The following CHAF1A variants were observed in gnomAD, a reference collection of about 807,000 sequenced individuals.
CHAF1A encodes the protein CAF-1 subunit A.
In CHAF1A, 5 loss-of-function variants were observed where a neutral mutation model predicts 93.2. The observed-to-expected ratio is 0.05, with a 90% CI of 0.03 to 0.11. CHAF1A has a LOEUF of 0.11. Among genes scored for constraint, CHAF1A ranks in the 10% least tolerant of loss-of-function variants. The pLI, the probability that CHAF1A is intolerant of heterozygous loss-of-function variation, is 1.00. For synonymous variants in CHAF1A, 504 were observed against 510.3 expected (o/e 0.99, Z 0.17); for missense variants, 1,102 against 1,259.9 (o/e 0.87, Z 1.90).
rs750311581 is a variant in CHAF1A, at chr19:4,442,961, G to A, written c.2807G>A (p.Gly936Glu). Residue 936 changes from glycine to glutamate, a missense_variant, in exon 15 of 15, where the codon GGG becomes GAG. Around this residue, in one of 6 missense-constraint regions of CHAF1A, gnomAD observed 119 missense variants for 102.2 expected, o/e 1.16. Transcript: ENST00000301280. ...QAPCGAASGA[G>E]GGVGVDTGKA... Reference sequence around the variant, plus strand: ...CCGTGTGGAGCCGCTTCCGGAGCTGGGGGTGGTGTGGGGGTGGACACCGGC... The same window carrying A: ...CCGTGTGGAGCCGCTTCCGGAGCTGAGGGTGGTGTGGGGGTGGACACCGGC... 5.6e-6 allele frequency: 9 copies of A among 1,604,622 alleles called. No individual in the cohort carries two copies. The highest frequency in any genetic ancestry group is 1.7e-5 in the Admixed American group (1 of 58,656).
rs558880889 is a variant in CHAF1A at position 4,439,574 on chromosome 19, C to T, written c.2674-2671C>T. Among the ~76,000 whole-genome samples, 186 of 152,322 alleles carry T rather than the reference C, an allele frequency of 1.2e-3. 1 individual carries two copies. Among genetic ancestry groups the T allele is most frequent in the African/African-American group, 4.5e-3 (185 of 41,566 alleles). ...ATCCAAGAAAAGCCTAATGTGTCAACGCGTCTCCTGTGTGGAGGGAGGGCC... is the reference window on the plus strand; with the variant it reads ...ATCCAAGAAAAGCCTAATGTGTCAATGCGTCTCCTGTGTGGAGGGAGGGCC... On this transcript the variant is annotated intron_variant, in intron 13 of 14. Transcript: ENST00000301280.
intron 3 of CHAF1A, among the ~76,000 whole-genome samples, chr19:4,412,207 G>A (rs1326081856): frequency 1.3e-5 from 2 of 152,258 alleles, no homozygotes; most frequent in African/African-American, 2.4e-5. Context: ...GGCTGCTGCC[G>A]CTTTGCAAAA....
intron 4 of CHAF1A, among the ~76,000 whole-genome samples, chr19:4,418,886 C>T (rs1459604066): frequency 2.0e-5 from 3 of 151,740 alleles, no homozygotes; most frequent in African/African-American, 4.8e-5. Context: ...GTCTTTGAGA[C>T]GGAGTCTTGC....
chr19:4,431,024 C>G (rs569348452), intron 11 of CHAF1A: 1 of 201,944 alleles, frequency 5.0e-6, no homozygotes, highest in African/African-American at 2.3e-5. Context: ...AACCACCGCC[C>G]GAAATAAAAC....
chr19:4,405,487 A>G lies in CHAF1A; in HGVS notation c.53-425A>G, dbSNP rs142182268. Among the ~76,000 whole-genome samples the G allele has an allele frequency of 4.1e-3, 620 of 152,146 alleles. 3 individuals are homozygous for G. Among genetic ancestry groups the G allele is most frequent in the African/African-American group, 0.014 (601 of 41,514 alleles). On this transcript the variant is annotated intron_variant, in intron 1 of 14. Transcript: ENST00000301280. ...GCCGAGAGTGGTGGCATGCGCCTGT[A>G]GTCCCAGCTACTTGAGAGAGTGAGG... is the stretch of plus-strand genomic sequence containing the variant.
At chr19:4,404,694 A>G (rs1310626496) in intron 1 of CHAF1A, among the ~76,000 whole-genome samples, 1 of 152,212 alleles carries the variant, frequency 6.6e-6, no homozygotes, top group Admixed American at 6.6e-5. Flanking sequence ...CTTACAAAAC[A>G]TACGTAGATT....
Position 4,431,940 on chromosome 19 carries a change from C to T in CHAF1A, c.1948-12C>T. On this transcript the variant is annotated splice_polypyrimidine_tract_variant and intron_variant, in intron 11 of 14. Coordinates refer to ENST00000301280, the MANE Select transcript of CHAF1A (RefSeq NM_005483.3). ...AGAACCCCAAATAAACTTCTGCTTT[C>T]TAAACCACAAGGAGTGTGCCGACCC... 1 of 1,589,448 alleles carries T rather than the reference C, an allele frequency of 6.3e-7. No individual in the cohort carries two copies. Among genetic ancestry groups the T allele is most frequent in the Non-Finnish European group, 8.6e-7 (1 of 1,163,082 alleles).
At chr19:4,446,005 G>T (rs375980769), downstream of CHAF1A, 44 of 1,562,502 alleles carry the variant, frequency 2.8e-5, no homozygotes, top group African/African-American at 5.8e-4. Context: ...AGGAGAACCT[G>T]CAGAGGCATC....
intron 4 of CHAF1A, among the ~76,000 whole-genome samples, chr19:4,421,179 C>T (rs1973984674): frequency 6.6e-6 from 1 of 152,088 alleles, no homozygotes; most frequent in Non-Finnish European, 1.5e-5. Flanking sequence ...TTAAGCGATC[C>T]TTGTGCCTCA....
Position 4,420,021 on chromosome 19 carries a change from G to A in CHAF1A, c.1017+1945G>A, listed in dbSNP as rs1973963081. ...GTCACACAGCACACTGGCAGGAAAT[G>A]CACATCAGACATCTTCCAGGCTGTG... On this transcript the variant is annotated intron_variant, in intron 4 of 14. Transcript: ENST00000301280. Among the ~76,000 whole-genome samples, 3 of 152,144 alleles carry A rather than the reference G, an allele frequency of 2.0e-5. No individual in the cohort carries two copies. The South Asian group carries it at 6.2e-4, about 32-fold the overall frequency.
At chr19:4,411,901 G>A (rs766923005) in intron 3 of CHAF1A, among the ~76,000 whole-genome samples, 31 of 151,742 alleles carry the variant, frequency 2.0e-4, no homozygotes, top group Middle Eastern at 3.2e-3. Context: ...CGCTTGCCTC[G>A]GCCTCCCAAA....
chr19:4,402,854 C>T, intron 1 of CHAF1A, 40 bp downstream of exon 1: 16 of 1,164,330 alleles, frequency 1.4e-5, no homozygotes, highest in Non-Finnish European at 1.6e-5. Context: ...GGGGGCGCGG[C>T]GCGCGGCCTG....
intron 3 of CHAF1A, among the ~76,000 whole-genome samples, chr19:4,416,145 G>A (rs1261768982): frequency 1.3e-5 from 2 of 152,078 alleles, no homozygotes; most frequent in Admixed American, 6.6e-5. Flanking sequence ...CTGCACTCCA[G>A]CCTGGGCGAC....
chr19:4,411,693 G>C lies in CHAF1A; in HGVS notation c.960+1934G>C, dbSNP rs369984774. On this transcript the variant is annotated intron_variant, in intron 3 of 14. Coordinates refer to ENST00000301280, the MANE Select transcript of CHAF1A (RefSeq NM_005483.3). ...GACATGGTCTCACCCTGTCGCCCAG[G>C]CTGGAGGGCAATGGCATGGTCTCAG... Among the ~76,000 whole-genome samples the C allele has an allele frequency of 2.2e-4, 25 of 113,482 alleles. No individual in the cohort carries two copies. In the South Asian group the frequency reaches 5.4e-3, roughly 25 times the overall value. The allele number at this position is 113,482 out of a possible 152,430, so 74.4% of individuals were successfully genotyped here. A position where few individuals can be genotyped will look rare whatever the true frequency, so the allele number is the denominator to read the frequency against.
intron 11 of CHAF1A, chr19:4,431,080 G>A (rs117272020): frequency 6.2e-5 from 10 of 161,350 alleles, no homozygotes; most frequent in African/African-American, 2.2e-4. Context: ...CTCTGCAGGC[G>A]AACCTGCCTG....
chr19:4,448,228 TGAGGGGGCCA>T, downstream of CHAF1A: 3 of 1,192,668 alleles, frequency 2.5e-6, no homozygotes, highest in Admixed American at 2.0e-5. Flanking sequence ...CAGCAGGTAA[TGAGGGGGCCA>T]GAGGGGGTGA....
downstream of CHAF1A, chr19:4,446,740 G>A: frequency 6.2e-7 from 1 of 1,609,722 alleles, no homozygotes; most frequent in Non-Finnish European, 8.5e-7. Flanking sequence ...GCAGGACATG[G>A]GTGTCACTGT....
At chr19:4,410,388 T>C (rs1048162678) in intron 3 of CHAF1A, among the ~76,000 whole-genome samples, 2 of 147,292 alleles carry the variant, frequency 1.4e-5, no homozygotes, top group African/African-American at 5.0e-5. Flanking sequence ...AAAAATTACT[T>C]TTTTTTTTTT....
At chr19:4,446,727 G>A (rs754649740), downstream of CHAF1A, 24 of 1,608,514 alleles carry the variant, frequency 1.5e-5, no homozygotes, top group African/African-American at 2.7e-5. Context: ...CCTCTACAGC[G>A]TGGCAGGACA....
Sources: gnomAD v4.1 joint callset for allele counts (sites outside exome capture counted in the v4.1 genomes callset) on GRCh38, gnomAD v4.1.1 for gene constraint, gnomAD v4.1.1 regional missense constraint, MANE v1.5 for transcripts, NCBI Gene and HGNC (gene_info 2026-07-23, HGNC 2026-07-21) for gene names.